The following DMD variants were observed in gnomAD, a reference collection of about 807,000 sequenced individuals.
DMD encodes the protein dystrophin.
A neutral mutation model predicts 330.1 loss-of-function variants in DMD; 63 were observed. The ratio of observed to expected loss-of-function variants is 0.19; its 90% CI spans 0.16 to 0.24. The LOEUF (loss-of-function observed/expected upper bound fraction) is 0.24. Ranked by LOEUF, DMD falls within the 10% of genes least tolerant of loss-of-function variation. The pLI, the probability that DMD is intolerant of heterozygous loss-of-function variation, is 1.00. For synonymous variants in DMD, 1,223 were observed against 959.8 expected, an observed-to-expected ratio of 1.27 and a Z score of -5.07; for missense variants, 3,344 against 2,684.1, an observed-to-expected ratio of 1.25 and a Z score of -5.43.
chrX:32,798,128 G>T (rs984610319), intron 7 of DMD, among the ~76,000 whole-genome samples: 1 of 111,622 alleles, frequency 9.0e-6, no homozygotes, highest in Admixed American at 9.5e-5. Context: ...ACCAAAATTT[G>T]TTATAAAGGG....
chrX:32,889,726 C>T (rs1478074452), intron 2 of DMD, among the ~76,000 whole-genome samples: 1 of 111,023 alleles, frequency 9.0e-6, no homozygotes, highest in African/African-American at 3.3e-5. Context: ...AACATCGCTC[C>T]TAACTCCACC....
At chrX:31,966,457 C>T (rs2095352030) in intron 45 of DMD, among the ~76,000 whole-genome samples, 1 of 109,032 alleles carries the variant, frequency 9.2e-6, no homozygotes, top group Non-Finnish European at 1.9e-5. Context: ...AATATGTTAA[C>T]ATTTATTTTT....
At position 32,500,820 on chromosome X, in the gene DMD, A is replaced by G. The variant is rs186677014; in HGVS notation, c.2380+935T>C. Among the ~76,000 whole-genome samples the G allele has an allele frequency of 3.4e-3, 385 of 111,888 alleles. 1 individual carries two copies. The highest frequency in any genetic ancestry group is 0.014 in the Middle Eastern group (3 of 215). ...GAAGAAGAAAATGAATTGATTTTCTAGGAAGACCACTGAACTTTTGAATGC... is the reference window on the plus strand; with the variant it reads ...GAAGAAGAAAATGAATTGATTTTCTGGGAAGACCACTGAACTTTTGAATGC... On this transcript the variant is annotated intron_variant, in intron 19 of 78. Transcript: ENST00000357033.
At chrX:32,490,090 C>A (rs892903127) in intron 20 of DMD, among the ~76,000 whole-genome samples, 1 of 111,920 alleles carries the variant, frequency 8.9e-6, no homozygotes, top group African/African-American at 3.2e-5. Context: ...TTTCTCATCA[C>A]TTTTTGGGTC....
upstream of DMD, among the ~76,000 whole-genome samples, chrX:33,213,770 A>G (rs1383908450): frequency 2.7e-5 from 3 of 112,037 alleles, no homozygotes; most frequent in Non-Finnish European, 5.6e-5. Flanking sequence ...AGTATCCTAC[A>G]ATAACTACAA....
intron 57 of DMD, among the ~76,000 whole-genome samples, chrX:31,483,419 T>C (rs1485772188): frequency 8.9e-6 from 1 of 112,139 alleles, no homozygotes; most frequent in Non-Finnish European, 1.9e-5. Flanking sequence ...CAAGGCACTA[T>C]TTGATGATAT....
intron 43 of DMD, among the ~76,000 whole-genome samples, chrX:32,235,603 A>C (rs1054986272): frequency 3.6e-5 from 4 of 111,608 alleles, no homozygotes; most frequent in South Asian, 3.7e-4. Context: ...TTTGAAGTCT[A>C]CCCATTACAA....
At chrX:32,570,555 G>A in intron 15 of DMD, among the ~76,000 whole-genome samples, 1 of 111,941 alleles carries the variant, frequency 8.9e-6, no homozygotes, top group Non-Finnish European at 1.9e-5. Context: ...AGAAATGACA[G>A]TTCTCAGTTG....
chrX:31,677,079 T>A (rs866757735), intron 53 of DMD, among the ~76,000 whole-genome samples: 2 of 103,060 alleles, frequency 1.9e-5, no homozygotes, highest in African/African-American at 3.5e-5. Flanking sequence ...TTTTTTTTTT[T>A]AATTTCAAAA....
At chrX:32,141,337 G>A (rs1252827216) in intron 44 of DMD, among the ~76,000 whole-genome samples, 5 of 110,011 alleles carry the variant, frequency 4.5e-5, no homozygotes. Flanking sequence ...TTGGGAGGCC[G>A]AGGCACAAGA....
chrX:31,190,606 GGGGGGA>G (rs2042230340), intron 67 of DMD, among the ~76,000 whole-genome samples: 1 of 26,551 alleles, frequency 3.8e-5, no homozygotes, highest in Non-Finnish European at 8.2e-5. Flanking sequence ...GGGGGGGGGG[GGGGGGA>G]GGGGGAGGGC....
rs188457406 is a variant in DMD at position 32,574,601 on chromosome X, T to C, written c.1603-755A>G. 4.2e-3 allele frequency among the ~76,000 whole-genome samples: 475 copies of C among 111,968 alleles called. 4 individuals carry two copies. Among genetic ancestry groups the C allele is most frequent in the African/African-American group, 0.015 (453 of 30,875 alleles). On this transcript the variant is annotated intron_variant, in intron 13 of 78. Transcript: ENST00000357033. The stretch of plus-strand genomic sequence containing the variant: ...AGCTCAACCTCATTATGATGCACTT[T>C]ATAGCCTGAATTTTCAACTTTTTGT...
rs1458738199 is a variant in DMD, at chrX:31,803,595, CCTTTT to C, written c.7309+16375_7309+16379del. On this transcript the variant is annotated intron_variant, in intron 50 of 78. Transcript: ENST00000357033. ...AGTAACCATTCTCCTGAATTTTTCTCCTTTTCTTTTCTTTCCCTCCCTCCCTCCCT... is the reference window on the plus strand; with the variant it reads ...AGTAACCATTCTCCTGAATTTTTCTCCTTTTCTTTCCCTCCCTCCCTCCCT... Among the ~76,000 whole-genome samples, 9 of 108,084 alleles carry C rather than the reference CCTTTT, an allele frequency of 8.3e-5. No homozygotes were observed. In the East Asian group the frequency reaches 1.8e-3, roughly 21 times the overall value. The allele number at this position is 108,084 out of a possible 115,157, so 93.9% of individuals were successfully genotyped here.
At chrX:31,134,247 A>G in intron 76 of DMD, 53 bp from the exon 77 acceptor site, 1 of 980,890 alleles carries the variant, frequency 1.0e-6, no homozygotes, top group Non-Finnish European at 1.4e-6. Context: ...GAAAACAGAT[A>G]TTAAAGGGCC....
chrX:32,387,911 T>A (rs2097970644), intron 32 of DMD, among the ~76,000 whole-genome samples: 1 of 111,396 alleles, frequency 9.0e-6, no homozygotes, highest in Non-Finnish European at 1.9e-5. Flanking sequence ...TTTCATTCAA[T>A]AGGCAAGTAA....
intron 32 of DMD, among the ~76,000 whole-genome samples, chrX:32,388,264 GT>G (rs1486477083): frequency 9.4e-6 from 1 of 106,317 alleles, no homozygotes; most frequent in Non-Finnish European, 1.9e-5. Context: ...TTAGAGACCT[GT>G]TTCTAGAAAA....
chrX:32,716,322 G>A (rs750950404), intron 7 of DMD, among the ~76,000 whole-genome samples: 2 of 110,278 alleles, frequency 1.8e-5, no homozygotes, highest in African/African-American at 6.6e-5. Flanking sequence ...CATGAGATCT[G>A]GTTGTTTAAA....
At chrX:32,296,883 T>C (rs987646489) in intron 42 of DMD, among the ~76,000 whole-genome samples, 1 of 112,379 alleles carries the variant, frequency 8.9e-6, no homozygotes, top group Non-Finnish European at 1.9e-5. Flanking sequence ...CTTTATTTTT[T>C]AAAAGAAGTG....
At position 31,621,725 on chromosome X, in the gene DMD, T is replaced by C. The variant is rs146239609; in HGVS notation, c.8217+5948A>G. On this transcript the variant is annotated intron_variant, in intron 55 of 78. Transcript: ENST00000357033. ...GGGGTCTTCCTGCTTACAAGGTCCA[T>C]ACTCTAGCTGCTACATCATGCTGTC... Among the ~76,000 whole-genome samples, 373 of 112,051 alleles carry C rather than the reference T, an allele frequency of 3.3e-3. 2 individuals are homozygous for C. In the East Asian group the frequency reaches 0.041, roughly 12 times the overall value.
Sources: gnomAD v4.1 joint callset for allele counts (sites outside exome capture counted in the v4.1 genomes callset) on GRCh38, gnomAD v4.1.1 for gene constraint, MANE v1.5 for transcripts, NCBI Gene and HGNC (gene_info 2026-07-23, HGNC 2026-07-21) for gene names.